Variants in TET1 observed in about 807,000 individuals in gnomAD.
TET1 encodes tet methylcytosine dioxygenase 1, also known as methylcytosine dioxygenase TET1.
Under a neutral mutation model 148.7 loss-of-function variants are expected in TET1, and 13 were observed. The observed-to-expected ratio is 0.09, with a 90% CI of 0.06 to 0.14. TET1 has a LOEUF of 0.14. Ranked by LOEUF, TET1 falls within the 10% of genes least tolerant of loss-of-function variation. The pLI is 1.00. For missense variants in TET1, 2,182 were observed against 2,553.8 expected (o/e 0.85, Z 3.14); for synonymous variants, 907 against 937.2 (o/e 0.97, Z 0.59).
intron 11 of TET1, among the ~76,000 whole-genome samples, chr10:68,688,430 C>CTTT (rs56149036): frequency 7.8e-5 from 7 of 90,114 alleles, no homozygotes; most frequent in African/African-American, 1.7e-4. Flanking sequence ...CTTTTGATAG[C>CTTT]TTTTTTTTTT....
chr10:68,588,720 A>T (rs902068245), intron 2 of TET1, among the ~76,000 whole-genome samples: 1 of 152,144 alleles, frequency 6.6e-6, no homozygotes, highest in Non-Finnish European at 1.5e-5. Context: ...GAGTTTGTCA[A>T]TTCTACTGCT....
At chr10:68,618,141 C>T (rs2054321774) in intron 3 of TET1, among the ~76,000 whole-genome samples, 1 of 152,036 alleles carries the variant, frequency 6.6e-6, no homozygotes, top group East Asian at 1.9e-4. Context: ...AAGGAGGAAA[C>T]CTTTTAAGTA....
chr10:68,634,252 CAG>C (rs2054618497), intron 3 of TET1, among the ~76,000 whole-genome samples: 1 of 152,156 alleles, frequency 6.6e-6, no homozygotes, highest in African/African-American at 2.4e-5. Context: ...GCTCTGAACT[CAG>C]TGTGTACTGT....
At chr10:68,609,553 GCCTTAGCCT>G (rs1275071578) in intron 3 of TET1, among the ~76,000 whole-genome samples, 4 of 152,186 alleles carry the variant, frequency 2.6e-5, no homozygotes, top group African/African-American at 9.6e-5. Flanking sequence ...CAATCATCCT[GCCTTAGCCT>G]CCTCAAGTGT....
In TET1 at chr10:68,645,751, C is replaced by G. The variant is rs754524291; in HGVS notation, c.3022C>G (p.Pro1008Ala). The G allele has an allele frequency of 4.3e-6, 7 of 1,613,958 alleles. No individual in the cohort carries two copies. Among genetic ancestry groups the G allele is most frequent in the Non-Finnish European group, 5.9e-6 (7 of 1,180,012 alleles). The change falls in exon 4 of 12, where the codon CCA (proline) becomes GCA (alanine). Residue 1008 changes from proline (P) to alanine (A), a missense_variant. Physicochemically the swap from Pro to Ala is conservative, Grantham distance 27. This residue lies in a region of TET1 where 582 missense variants were observed against 599.5 expected (regional missense o/e 0.97). Transcript: ENST00000373644. Reference protein sequence around the residue: ...KVTNSLSLFIPKSNSSKIDTN... With the variant: ...KVTNSLSLFIAKSNSSKIDTN... The stretch of plus-strand genomic sequence containing the variant: ...CACAAATTCATTATCTCTTTTTATA[C>G]CAAAATCAAATTCATCCAAGATTGA...
chr10:68,585,223 T>C (rs1452085106), intron 2 of TET1, among the ~76,000 whole-genome samples: 1 of 152,094 alleles, frequency 6.6e-6, no homozygotes, highest in Non-Finnish European at 1.5e-5. Context: ...AGGCTGGTCT[T>C]GAACTCCTGA....
rs112074954 is a variant in TET1 at position 68,686,640 on chromosome 10, C to A, written c.5337C>A (p.Pro1779=). The stretch of plus-strand genomic sequence containing the variant: ...GGGCAGTGGAAAAGAAACCTATTCC[C>A]CGAATCAAGCGGAAGAATAACTCAA... ...KIRAVEKKPI[P]RIKRKNNSTT... The change falls in exon 11 of 12, where the codon CCC becomes CCA. Residue 1779 remains proline (P), a synonymous_variant. Transcript: ENST00000373644. The A allele has an allele frequency of 1.0e-4, 161 of 1,614,098 alleles. No individual in the cohort carries two copies. The African/African-American group carries it at 1.8e-3, about 18-fold the overall frequency.
rs1336296268 is a variant in TET1 at position 68,686,479 on chromosome 10, G to A, written c.5176G>A (p.Glu1726Lys). ...TGAGTTTGGCTCCAAGGAAGGAATG[G>A]AAGCCAAGATCAAATCTGGGGCCAT... The part of the protein sequence containing the change: ...TDEFGSKEGM[E>K]AKIKSGAIEV... Residue 1726 changes from glutamate to lysine, a missense_variant, in exon 11 of 12, where the codon GAA (glutamate) becomes AAA (lysine). By Grantham distance (56) the Glu-to-Lys change is moderately conservative (BLOSUM62 1). Transcript: ENST00000373644. The A allele has an allele frequency of 6.2e-7, 1 of 1,613,980 alleles. No homozygotes were observed. The highest frequency in any genetic ancestry group is 1.3e-5 in the African/African-American group (1 of 74,892).
chr10:68,678,988 C>A (rs1171744665), intron 8 of TET1, among the ~76,000 whole-genome samples: 1 of 151,930 alleles, frequency 6.6e-6, no homozygotes, highest in Non-Finnish European at 1.5e-5. Context: ...CCAGCATGGC[C>A]AACATGGTGA....
intron 8 of TET1, chr10:68,674,396 G>A (rs571995697): frequency 1.5e-5 from 4 of 270,264 alleles, no homozygotes; most frequent in African/African-American, 2.3e-5. Flanking sequence ...CATTTTCTAA[G>A]AAAGATTTGT....
chr10:68,606,226 G>T (rs1372949147), intron 3 of TET1, among the ~76,000 whole-genome samples: 1 of 152,124 alleles, frequency 6.6e-6, no homozygotes, highest in East Asian at 1.9e-4. Context: ...TATTCGCCAG[G>T]TGTGGTGGCA....
chr10:68,687,858 G>A (rs2055536299), intron 11 of TET1, among the ~76,000 whole-genome samples: 1 of 152,192 alleles, frequency 6.6e-6, no homozygotes, highest in Non-Finnish European at 1.5e-5. Flanking sequence ...TTACAGGCAT[G>A]AGCCATCACA....
At chr10:68,676,245 TATATATATATATATATATATATA>T (rs2055350064) in intron 8 of TET1, among the ~76,000 whole-genome samples, 1 of 15,006 alleles carries the variant, frequency 6.7e-5, no homozygotes, top group Non-Finnish European at 1.1e-4. Flanking sequence ...TGTATATATA[TATATATATATATATATATATATA>T]TTTTTTTTTT....
intron 4 of TET1, among the ~76,000 whole-genome samples, chr10:68,651,487 C>T (rs1193380337): frequency 6.6e-6 from 1 of 151,924 alleles, no homozygotes; most frequent in East Asian, 1.9e-4. Flanking sequence ...TAATAGGATT[C>T]TAAGGGCAAC....
intron 2 of TET1, among the ~76,000 whole-genome samples, chr10:68,595,937 TATATATATATATATATATATATATAC>T (rs1409859754): frequency 0.034 from 1,285 of 37,566 alleles, 43 homozygotes; most frequent in Non-Finnish European, 0.051. Flanking sequence ...TATATATATA[TATATATATATATATATATATATATAC>T]ACACACACAC....
At chr10:68,682,332 G>C (rs538869198) in intron 9 of TET1, among the ~76,000 whole-genome samples, 1 of 151,622 alleles carries the variant, frequency 6.6e-6, no homozygotes, top group African/African-American at 2.4e-5. Flanking sequence ...GGCTGCTCTC[G>C]AACTCCTGGC....
chr10:68,654,655 T>C (rs2054996511), intron 6 of TET1, among the ~76,000 whole-genome samples: 1 of 151,830 alleles, frequency 6.6e-6, no homozygotes, highest in South Asian at 2.1e-4. Context: ...AAGGAGATAA[T>C]TAATAGAACC....
rs1420408017 is a variant in TET1, at chr10:68,639,457, C to CTATTATTAT, written c.1969-5239_1969-5238insTTATTATTA. ...ATTACTATTATTATTACTACTACTA[C>CTATTATTAT]TACTACTACTATTATTATTATTATT... On this transcript the variant is annotated intron_variant, in intron 3 of 11. Coordinates refer to ENST00000373644, the MANE Select transcript of TET1 (RefSeq NM_030625.3). 6.5e-3 allele frequency among the ~76,000 whole-genome samples: 932 copies of CTATTATTAT among 143,116 alleles called. 9 individuals are homozygous for CTATTATTAT. Among genetic ancestry groups the CTATTATTAT allele is most frequent in the African/African-American group, 0.023 (878 of 38,758 alleles). The allele number at this position is 143,116 out of a possible 152,430, so 93.9% of individuals were successfully genotyped here. A position where few individuals can be genotyped will look rare whatever the true frequency, so the allele number is the denominator to read the frequency against.
At chr10:68,603,561 A>G (rs2132884111) in intron 3 of TET1, among the ~76,000 whole-genome samples, 1 of 152,284 alleles carries the variant, frequency 6.6e-6, no homozygotes, top group East Asian at 1.9e-4. Flanking sequence ...GCTTGAGGCC[A>G]GGAGTTTGAG....
Sources: allele counts gnomAD v4.1 joint callset (sites outside exome capture counted in the v4.1 genomes callset), GRCh38; gene constraint gnomAD v4.1.1; regional missense constraint gnomAD v4.1.1; transcripts MANE v1.5; gene names NCBI Gene and HGNC (gene_info 2026-07-23, HGNC 2026-07-21).